The following ZNF469 variants were observed in gnomAD, a reference collection of about 807,000 sequenced individuals.
ZNF469 encodes the protein zinc finger protein 469.
ZNF469 carries 1 observed loss-of-function variant against 1.0 expected under a neutral mutation model. That is an observed-to-expected ratio of 1.00 (90% CI 0.35 to 4.73). The LOEUF (loss-of-function observed/expected upper bound fraction) is 4.73. Ranked by LOEUF, ZNF469 falls within the 30% of genes most tolerant of loss-of-function variation. The pLI is 0.16. For missense variants in ZNF469, 6,100 were observed against 5,356.3 expected, an observed-to-expected ratio of 1.14 and a Z score of -4.33; for synonymous variants, 2,703 against 2,363.4, an observed-to-expected ratio of 1.14 and a Z score of -4.17.
chr16:88,424,354 T>C lies in ZNF469; in HGVS notation c.-191-453T>C, dbSNP rs1381118903. Reference sequence around the variant, plus strand: ...GGAGGAAAGGCAGTGTGTGTTCCTGTGTGCTGGTGTTTGCATCCAGGGACT... The same window carrying C: ...GGAGGAAAGGCAGTGTGTGTTCCTGCGTGCTGGTGTTTGCATCCAGGGACT... On this transcript the variant is annotated intron_variant, in intron 1 of 2. Transcript: ENST00000565624. The surrounding 1 kb of genome is among the most constrained non-coding windows in gnomAD (Gnocchi z 4.3). Among the ~76,000 whole-genome samples the C allele has an allele frequency of 6.6e-6, 1 of 152,138 alleles. No homozygotes were observed. Among genetic ancestry groups the C allele is most frequent in the Non-Finnish European group, 1.5e-5 (1 of 68,012 alleles).
chr16:88,173,965 A>G, the ZNF469 span, among the ~76,000 whole-genome samples: 96 of 152,204 alleles, frequency 6.3e-4, no homozygotes, highest in Non-Finnish European at 1.0e-3. Context: ...AATAGAAAAC[A>G]AATAGCAAGA....
At chr16:88,112,528 C>T in the ZNF469 span, among the ~76,000 whole-genome samples, 15 of 152,138 alleles carry the variant, frequency 9.9e-5, no homozygotes, top group African/African-American at 2.7e-4. Flanking sequence ...ATTTCTCTGA[C>T]GATCAATGAT....
At chr16:88,180,735 C>G in the ZNF469 span, among the ~76,000 whole-genome samples, 1 of 146,664 alleles carries the variant, frequency 6.8e-6, no homozygotes, top group African/African-American at 2.5e-5. Flanking sequence ...CGTGGTCCCA[C>G]TGCACTCCAG....
chr16:88,164,053 G>A, the ZNF469 span, among the ~76,000 whole-genome samples: 2 of 150,606 alleles, frequency 1.3e-5, no homozygotes, highest in African/African-American at 4.9e-5. Context: ...GGATAAGTGG[G>A]TGGATGGATG....
At chr16:88,132,471 G>C in the ZNF469 span, among the ~76,000 whole-genome samples, 2 of 152,250 alleles carry the variant, frequency 1.3e-5, no homozygotes, top group Non-Finnish European at 2.9e-5. Context: ...GCTCCATGGG[G>C]CTCGAGAGAC....
At chr16:88,251,604 G>A in the ZNF469 span, among the ~76,000 whole-genome samples, 1 of 129,212 alleles carries the variant, frequency 7.7e-6, no homozygotes, top group East Asian at 2.4e-4. Flanking sequence ...TGTCGCCCAG[G>A]TTACAATGCA....
At chr16:88,304,869 G>T in the ZNF469 span, among the ~76,000 whole-genome samples, 2 of 152,192 alleles carry the variant, frequency 1.3e-5, no homozygotes, top group African/African-American at 4.8e-5. Context: ...GCACCCTGGA[G>T]GCCAGTGGAC....
chr16:88,368,204 G>C, the ZNF469 span, among the ~76,000 whole-genome samples: 1 of 152,276 alleles, frequency 6.6e-6, no homozygotes, highest in Non-Finnish European at 1.5e-5. Context: ...CTTCTGGACA[G>C]TGACCGGGTC....
chr16:88,273,804 A>ATTTTTTTTT, the ZNF469 span, among the ~76,000 whole-genome samples: 1 of 135,268 alleles, frequency 7.4e-6, no homozygotes, highest in Non-Finnish European at 1.6e-5. Flanking sequence ...ACTGTGGAAT[A>ATTTTTTTTT]TTTTTTTTTT....
At chr16:88,190,532 G>A in the ZNF469 span, among the ~76,000 whole-genome samples, 5 of 152,156 alleles carry the variant, frequency 3.3e-5, no homozygotes, top group South Asian at 2.1e-4. Flanking sequence ...GTAAATCCAG[G>A]GATCACACAC....
chr16:88,284,778 G>A, the ZNF469 span, among the ~76,000 whole-genome samples: 1 of 152,370 alleles, frequency 6.6e-6, no homozygotes, highest in Non-Finnish European at 1.5e-5. Context: ...CAGCTCTGCA[G>A]GAGGGCGATG....
In ZNF469 at chr16:88,433,295, G is replaced by T. The variant is rs977906765; in HGVS notation, c.5825G>T (p.Gly1942Val). The T allele has an allele frequency of 2.1e-5, 32 of 1,550,244 alleles. 1 individual carries two copies. In the Admixed American group the frequency reaches 6.1e-4, roughly 29 times the overall value. The stretch of plus-strand genomic sequence containing the variant: ...CGAGTGAACCCCTCAGGTCTGGAAG[G>T]GGGCACTGTGGAAGGAGGGAAGGTG... ...PPRVNPSGLEGGTVEGGKVAC... is the reference protein window; with the variant it reads ...PPRVNPSGLEVGTVEGGKVAC... Residue 1942 changes from glycine (G) to valine (V), a missense_variant, in exon 3 of 3, where the codon GGG (glycine) becomes GTG (valine). By Grantham distance (109) the Gly-to-Val change is moderately radical. Transcript: ENST00000565624.
At chr16:88,401,740 T>G (rs1904875341) in intron 1 of ZNF469, among the ~76,000 whole-genome samples, 2 of 142,330 alleles carry the variant, frequency 1.4e-5, no homozygotes, top group Admixed American at 7.0e-5. Flanking sequence ...GGTGGATGGA[T>G]GGGTGATTGG....
At chr16:88,393,233 G>A (rs987775609) in intron 1 of ZNF469, among the ~76,000 whole-genome samples, 17 of 152,362 alleles carry the variant, frequency 1.1e-4, no homozygotes, top group South Asian at 2.1e-4. Flanking sequence ...AGCCGCCAGC[G>A]GCCCTCCGTG....
the ZNF469 span, among the ~76,000 whole-genome samples, chr16:88,374,204 A>G: frequency 1.6e-4 from 24 of 152,186 alleles, no homozygotes; most frequent in Non-Finnish European, 7.3e-5. Flanking sequence ...AGCAAGGGAG[A>G]GCCAGTGCAC....
Position 88,430,187 on chromosome 16 carries a change from C to A in ZNF469, c.2717C>A (p.Pro906Gln). 2 of 1,547,806 alleles carry A rather than the reference C, an allele frequency of 1.3e-6. No individual in the cohort carries two copies. The highest frequency in any genetic ancestry group is 1.7e-6 in the Non-Finnish European group (2 of 1,145,424). ...CCGCCCCCGCTCCCAGCAGCCACGC[C>A]GGACCCCCAAACCCCCCGCCCTGGG... ...KAPPPLPAAT[P>Q]DPQTPRPGDR... The change falls in exon 3 of 3, where the codon CCG becomes CAG. Residue 906 changes from proline (P) to glutamine (Q), a missense_variant. Pro to Gln is a moderately conservative substitution (Grantham distance 76, BLOSUM62 -1). Coordinates refer to ENST00000565624, the MANE Select transcript of ZNF469 (RefSeq NM_001367624.2).
chr16:88,303,348 G>A, the ZNF469 span, among the ~76,000 whole-genome samples: 2 of 152,228 alleles, frequency 1.3e-5, no homozygotes, highest in Admixed American at 6.5e-5. Flanking sequence ...ACGTGGACAC[G>A]TGTGATTTCT....
chr16:88,230,499 G>A, the ZNF469 span, among the ~76,000 whole-genome samples: 1 of 152,068 alleles, frequency 6.6e-6, no homozygotes, highest in Non-Finnish European at 1.5e-5. Flanking sequence ...CCCTAGAGGA[G>A]CGGAACGTGG....
the ZNF469 span, among the ~76,000 whole-genome samples, chr16:88,164,093 AC>A: frequency 2.1e-5 from 3 of 141,446 alleles, no homozygotes; most frequent in East Asian, 6.4e-4. Flanking sequence ...GGGTGGATGA[AC>A]GGGGTCAGTG....
Sources: allele counts gnomAD v4.1 joint callset (sites outside exome capture counted in the v4.1 genomes callset), GRCh38; gene constraint gnomAD v4.1.1; non-coding constraint Gnocchi (gnomAD v3.1); transcripts MANE v1.5; gene names NCBI Gene and HGNC (gene_info 2026-07-23, HGNC 2026-07-21).